CDHR1: variants seen among roughly 807,000 people sequenced by gnomAD.
CDHR1 encodes the protein cadherin-related family member 1.
In CDHR1, 61 loss-of-function variants were observed where a neutral mutation model predicts 72.1. That is an observed-to-expected ratio of 0.85 (90% CI 0.69 to 1.05). The LOEUF is 1.05. Ranked by LOEUF, CDHR1 falls within the 50% of genes least tolerant of loss-of-function variation. The pLI, the probability that CDHR1 is intolerant of heterozygous loss-of-function variation, is 0.00. For missense variants in CDHR1, 1,186 were observed against 1,115.7 expected, an observed-to-expected ratio of 1.06 and a Z score of -0.90; for synonymous variants, 470 against 448.1, an observed-to-expected ratio of 1.05 and a Z score of -0.62.
chr10:84,211,928 G>C (rs74145753), intron 14 of CDHR1, among the ~76,000 whole-genome samples: 6,797 of 152,236 alleles, frequency 0.045, 463 homozygotes, highest in African/African-American at 0.15. Context: ...GGCTGGGGAG[G>C]GGGCAGGCCA....
At position 84,213,294 on chromosome 10, in the gene CDHR1, C is replaced by G; in HGVS notation, c.1986C>G (p.Gly662=). 6.2e-7 allele frequency: 1 copy of G among 1,614,246 alleles called. No homozygotes were observed. Among genetic ancestry groups the G allele is most frequent in the Non-Finnish European group, 8.5e-7 (1 of 1,180,032 alleles). Residue 662 remains glycine, a synonymous_variant, in exon 16 of 17, where the codon GGC becomes GGG. Coordinates refer to ENST00000623527, the MANE Select transcript of CDHR1 (RefSeq NM_033100.4). ...TAGAGGTGCAGGCCAAGGACCGGGG[C>G]TCCCCATCCTTCAGCACCACAGCCT... is the stretch of plus-strand genomic sequence containing the variant. ...WSLEVQAKDR[G]SPSFSTTALL... is the part of the protein sequence containing the mutation.
At position 84,211,708 on chromosome 10, in the gene CDHR1, G is replaced by A. The variant is rs1842335345; in HGVS notation, c.1546G>A (p.Ala516Thr). ...GAAATATTCCACCTATGGGACTGGG[G>A]CAGACCTGTAAGTAGATCCAGAATC... ...EVKYSTYGTGADLFLIHPSTG... is the reference protein window; with the variant it reads ...EVKYSTYGTGTDLFLIHPSTG... Residue 516 changes from alanine to threonine, a missense_variant, in exon 14 of 17, where the codon GCA becomes ACA. Ala to Thr is a moderately conservative substitution (Grantham distance 58). Coordinates refer to ENST00000623527, the MANE Select transcript of CDHR1 (RefSeq NM_033100.4). 1 of 1,613,730 alleles carries A rather than the reference G, an allele frequency of 6.2e-7. No homozygotes were observed. Among genetic ancestry groups the A allele is most frequent in the South Asian group, 1.1e-5 (1 of 91,080 alleles).
Position 84,199,069 on chromosome 10 carries a change from A to T in CDHR1, c.386A>T (p.Asn129Ile). 6.4e-7 allele frequency: 1 copy of T among 1,551,616 alleles called. No homozygotes were observed. The highest frequency in any genetic ancestry group is 8.7e-7 in the Non-Finnish European group (1 of 1,146,996). The change falls in exon 5 of 17, where the codon AAT becomes ATT. Residue 129 changes from asparagine to isoleucine, a missense_variant. Physicochemically the swap from Asn to Ile is moderately radical, Grantham distance 149. Transcript: ENST00000623527. ...EKVVILVTDA[N>I]DEAPRFIQEP... ...GTCGTGATCCTGGTGACCGATGCCAATGATGAGGCGCCCAGGTTCATCCAG... is the reference window on the plus strand; with the variant it reads ...GTCGTGATCCTGGTGACCGATGCCATTGATGAGGCGCCCAGGTTCATCCAG...
Position 84,216,729 on chromosome 10 carries a change from A to G in CDHR1, c.*2108A>G, listed in dbSNP as rs1842431478. On this transcript the variant is annotated 3_prime_UTR_variant, in exon 17 of 17. Transcript: ENST00000623527. ...ATATCTTGAACAGCAGGACATTTGC[A>G]GGCCTTGTCTACTGGACTTTTCTCC... 14 of 985,396 alleles carry G rather than the reference A, an allele frequency of 1.4e-5. No individual in the cohort carries two copies. The highest frequency in any genetic ancestry group is 4.7e-5 in the South Asian group (1 of 21,294). The allele number at this position is 985,396 out of a possible 1,614,324, so 61.0% of individuals were successfully genotyped here.
In CDHR1 at chr10:84,212,371, G is replaced by T. The variant is rs764520994; in HGVS notation, c.1746G>T (p.Lys582Asn). ...CTCAGTTTGGAAAGAGCGTTCAGAA[G>T]AAGACGATGGTGCTAGGGACCCCAG... ...HPPQFGKSVQ[K>N]KTMVLGTPVK... is the part of the protein sequence containing the mutation. The change falls in exon 15 of 17, where the codon AAG becomes AAT. Residue 582 changes from lysine (K) to asparagine (N), a missense_variant. Transcript: ENST00000623527. 5.0e-6 allele frequency: 8 copies of T among 1,614,104 alleles called. No individual in the cohort carries two copies. The African/African-American group carries it at 1.1e-4, about 22-fold the overall frequency.
intron 7 of CDHR1, 27 bp from the exon 8 acceptor site, chr10:84,202,953 C>T: frequency 6.2e-7 from 1 of 1,614,120 alleles, no homozygotes; most frequent in East Asian, 2.2e-5. Flanking sequence ...TGTCTTCACT[C>T]TCCTGTGGCC....
At chr10:84,202,165 C>T (rs1842139936) in intron 7 of CDHR1, among the ~76,000 whole-genome samples, 1 of 152,116 alleles carries the variant, frequency 6.6e-6, no homozygotes, top group African/African-American at 2.4e-5. Flanking sequence ...CAGGTAAGAC[C>T]AGGTGGGATG....
intron 8 of CDHR1, among the ~76,000 whole-genome samples, chr10:84,203,688 T>C (rs1455112370): frequency 3.3e-5 from 5 of 152,218 alleles, no homozygotes; most frequent in Non-Finnish European, 7.3e-5. Context: ...AGTGCTGAGA[T>C]TACAGGTGTG....
chr10:84,197,646 A>G (rs1367740150), intron 3 of CDHR1, 140 bp from the exon 4 acceptor site: 28 of 798,480 alleles, frequency 3.5e-5, no homozygotes, highest in Non-Finnish European at 5.5e-5. Context: ...TGTCACCACC[A>G]CTTACCCTGC....
chr10:84,205,200 G>A (rs933311521), intron 9 of CDHR1, among the ~76,000 whole-genome samples: 2 of 152,108 alleles, frequency 1.3e-5, no homozygotes, highest in Non-Finnish European at 2.9e-5. Context: ...CGCATCTGGT[G>A]CCTGGTACCA....
At chr10:84,206,203 G>A (rs1025278806) in intron 10 of CDHR1, among the ~76,000 whole-genome samples, 1 of 152,180 alleles carries the variant, frequency 6.6e-6, no homozygotes, top group African/African-American at 2.4e-5. Flanking sequence ...TGGAGTGAAA[G>A]CATTCCAAGA....
chr10:84,211,433 G>A (rs7090234), intron 13 of CDHR1, among the ~76,000 whole-genome samples: 2,227 of 152,318 alleles, frequency 0.015, 58 homozygotes, highest in African/African-American at 0.05. Context: ...GGAGGGATGA[G>A]TGTTTTCCAG....
intron 8 of CDHR1, 108 bp downstream of exon 8, chr10:84,203,231 C>T (rs1589299188): frequency 2.8e-6 from 4 of 1,440,002 alleles, no homozygotes; most frequent in Non-Finnish European, 3.9e-6. Flanking sequence ...TCCCGGTTGC[C>T]CTCCTCACAC....
At position 84,213,164 on chromosome 10, in the gene CDHR1, T is replaced by A. The variant is rs1229851179; in HGVS notation, c.1856T>A (p.Val619Glu). 1 of 1,614,148 alleles carries A rather than the reference T, an allele frequency of 6.2e-7. No individual in the cohort carries two copies. Residue 619 changes from valine (V) to glutamate (E), a missense_variant, in exon 16 of 17, where the codon GTG (valine) becomes GAG (glutamate). Val to Glu is a moderately radical substitution (Grantham distance 121). Transcript: ENST00000623527. ...YSITHAEPAN[V>E]FDINSHTGEI... Reference sequence around the variant, plus strand: ...ATCACCCATGCAGAGCCCGCCAACGTGTTCGACATCAATTCCCACACGGGG... The same window carrying A: ...ATCACCCATGCAGAGCCCGCCAACGAGTTCGACATCAATTCCCACACGGGG...
chr10:84,214,214 T>A lies in CDHR1; in HGVS notation c.2173T>A (p.Trp725Arg). The stretch of plus-strand genomic sequence containing the variant: ...TGTCCTCATCTCCACCGCCACCTTC[T>A]GGCGCAACAAGAAGTCTAACAAGGT... ...ITVLISTATFWRNKKSNKVLP... is the reference protein window; with the variant it reads ...ITVLISTATFRRNKKSNKVLP... The change falls in exon 17 of 17, where the codon TGG becomes AGG. Residue 725 changes from tryptophan to arginine, a missense_variant. By Grantham distance (101) the Trp-to-Arg change is moderately radical. Transcript: ENST00000623527. The A allele has an allele frequency of 1.2e-6, 2 of 1,614,166 alleles. No homozygotes were observed. Among genetic ancestry groups the A allele is most frequent in the Non-Finnish European group, 8.5e-7 (1 of 1,180,030 alleles).
rs765857703 is a variant in CDHR1 at position 84,218,268 on chromosome 10, G to A, written c.*3647G>A. On this transcript the variant is annotated 3_prime_UTR_variant, in exon 17 of 17. Coordinates refer to ENST00000623527, the MANE Select transcript of CDHR1 (RefSeq NM_033100.4). ...AAGGGCCTAGTTTCCAGAATGAGGC[G>A]GTCATGGCTTAAGCGACCATCATTT... 15 of 985,312 alleles carry A rather than the reference G, an allele frequency of 1.5e-5. No homozygotes were observed. The highest frequency in any genetic ancestry group is 1.1e-4 in the East Asian group (1 of 8,826). 61.0% of individuals were successfully genotyped at this position (985,312 alleles called of 1,614,324 possible).
chr10:84,211,744 C>T (rs1231041988), intron 14 of CDHR1, 29 bp downstream of exon 14: 14 of 1,592,690 alleles, frequency 8.8e-6, no homozygotes, highest in Non-Finnish European at 1.2e-5. Flanking sequence ...CAGGACAGGG[C>T]CTTGGGCAAG....
chr10:84,213,199 C>A lies in CDHR1; in HGVS notation c.1891C>A (p.Leu631Ile). Residue 631 changes from leucine to isoleucine, a missense_variant, in exon 16 of 17, where the codon CTC (leucine) becomes ATC (isoleucine). Physicochemically the swap from Leu to Ile is conservative, Grantham distance 5 (BLOSUM62 2). Transcript: ENST00000623527. ...CAATTCCCACACGGGGGAGATCTGG[C>A]TCAAGAATTCCATCCGCTCCCTGGA... Reference protein sequence around the residue: ...DINSHTGEIWLKNSIRSLDAL... With the variant: ...DINSHTGEIWIKNSIRSLDAL... The A allele has an allele frequency of 6.2e-7, 1 of 1,614,212 alleles. No homozygotes were observed. Among genetic ancestry groups the A allele is most frequent in the Non-Finnish European group, 8.5e-7 (1 of 1,180,040 alleles).
In CDHR1 at chr10:84,213,291, G is replaced by A; in HGVS notation, c.1983G>A (p.Arg661=). The A allele has an allele frequency of 6.2e-7, 1 of 1,614,220 alleles. No homozygotes were observed. Among genetic ancestry groups the A allele is most frequent in the Non-Finnish European group, 8.5e-7 (1 of 1,180,044 alleles). ...LWSLEVQAKD[R]GSPSFSTTAL... is the part of the protein sequence containing the mutation. Reference sequence around the variant, plus strand: ...CCCTAGAGGTGCAGGCCAAGGACCGGGGCTCCCCATCCTTCAGCACCACAG... The same window carrying A: ...CCCTAGAGGTGCAGGCCAAGGACCGAGGCTCCCCATCCTTCAGCACCACAG... Residue 661 remains arginine (R), a synonymous_variant, in exon 16 of 17, where the codon CGG becomes CGA. Coordinates refer to ENST00000623527, the MANE Select transcript of CDHR1 (RefSeq NM_033100.4).
Sources: gnomAD v4.1 joint callset for allele counts (sites outside exome capture counted in the v4.1 genomes callset) on GRCh38, gnomAD v4.1.1 for gene constraint, MANE v1.5 for transcripts, NCBI Gene and HGNC (gene_info 2026-07-23, HGNC 2026-07-21) for gene names.